The following WDR27 variants were observed in gnomAD, a reference collection of about 807,000 sequenced individuals.
WDR27 encodes WD repeat-containing protein 27.
Under a neutral mutation model 114.4 loss-of-function variants are expected in WDR27, and 100 were observed. That is an observed-to-expected ratio of 0.87 (90% CI 0.74 to 1.03). The LOEUF (loss-of-function observed/expected upper bound fraction) is 1.03. WDR27 is among the 50% of genes least tolerant of loss of function. The pLI is 0.00. For missense variants in WDR27, 1,129 were observed against 1,092.9 expected, an observed-to-expected ratio of 1.03 and a Z score of -0.47; for synonymous variants, 449 against 423.1, an observed-to-expected ratio of 1.06 and a Z score of -0.75.
chr6:169,536,850 G>A (rs902376825), intron 25 of WDR27, among the ~76,000 whole-genome samples: 1 of 152,056 alleles, frequency 6.6e-6, no homozygotes, highest in African/African-American at 2.4e-5. Flanking sequence ...TAGTCTCTGG[G>A]TAAGGTACGT....
chr6:169,486,757 T>C (rs898002257), intron 25 of WDR27, among the ~76,000 whole-genome samples: 1 of 152,196 alleles, frequency 6.6e-6, no homozygotes, highest in Non-Finnish European at 1.5e-5. Flanking sequence ...CCCAAAGTGC[T>C]GGGATTACAG....
chr6:169,460,371 G>C (rs573650782), intron 25 of WDR27, among the ~76,000 whole-genome samples: 1 of 152,256 alleles, frequency 6.6e-6, no homozygotes, highest in African/African-American at 2.4e-5. Context: ...ATTCAAACTA[G>C]AGTGTTATAA....
chr6:169,667,431 C>T, intron 5 of WDR27: 2 of 973,770 alleles, frequency 2.1e-6, no homozygotes, highest in Non-Finnish European at 2.4e-6. Context: ...GAATTGGAAA[C>T]AAAAATGAAA....
At chr6:169,657,238 A>G (rs1203785996) in intron 13 of WDR27, among the ~76,000 whole-genome samples, 1 of 152,230 alleles carries the variant, frequency 6.6e-6, no homozygotes, top group African/African-American at 2.4e-5. Context: ...AGAACCACAC[A>G]GTCAGTGAGA....
chr6:169,593,451 C>T (rs927157162), intron 23 of WDR27, among the ~76,000 whole-genome samples: 20 of 152,170 alleles, frequency 1.3e-4, no homozygotes, highest in African/African-American at 4.8e-4. Flanking sequence ...TCCTTCTGCT[C>T]CATGCTTCTG....
chr6:169,450,411 G>A, the WDR27 span, among the ~76,000 whole-genome samples: 1 of 152,256 alleles, frequency 6.6e-6, no homozygotes, highest in Non-Finnish European at 1.5e-5. Context: ...ACTGTTGAAT[G>A]AGTAAATGAA....
chr6:169,658,941 C>T lies in WDR27; in HGVS notation c.1319+145G>A. The T allele has an allele frequency of 2.7e-6, 3 of 1,107,212 alleles. No individual in the cohort carries two copies. The Admixed American group carries it at 8.7e-5, about 32-fold the overall frequency. 68.6% of individuals were successfully genotyped at this position (1,107,212 alleles called of 1,614,324 possible). ...TGACCTCGTGATCCACCCGCCTCGG[C>T]CTCCCAAAGTGCTGGGATTATAGGC... On this transcript the variant is annotated intron_variant, in intron 12 of 25. Transcript: ENST00000448612.
chr6:169,600,018 T>C (rs563649770), intron 23 of WDR27, among the ~76,000 whole-genome samples: 6 of 152,346 alleles, frequency 3.9e-5, no homozygotes, highest in East Asian at 1.9e-4. Flanking sequence ...TTTCGTTATG[T>C]ACCCAGTAGT....
intron 8 of WDR27, 33 bp from the exon 9 acceptor site, chr6:169,662,457 G>A: frequency 1.9e-6 from 3 of 1,607,270 alleles, no homozygotes; most frequent in Non-Finnish European, 8.5e-7. Context: ...TCTAAGAAGT[G>A]AACTTAAATG....
At chr6:169,557,710 T>C (rs940789139) in intron 25 of WDR27, among the ~76,000 whole-genome samples, 1 of 152,112 alleles carries the variant, frequency 6.6e-6, no homozygotes, top group African/African-American at 2.4e-5. Flanking sequence ...GGTGGGAAGA[T>C]TGCAGGAGCC....
intron 24 of WDR27, among the ~76,000 whole-genome samples, chr6:169,573,102 C>T (rs1801718315): frequency 6.6e-6 from 1 of 152,108 alleles, no homozygotes; most frequent in South Asian, 2.1e-4. Context: ...GCCCGAGCCT[C>T]CCGGGGTGCA....
intron 23 of WDR27, among the ~76,000 whole-genome samples, chr6:169,601,552 G>C (rs1190114288): frequency 6.6e-6 from 1 of 152,196 alleles, no homozygotes; most frequent in Non-Finnish European, 1.5e-5. Context: ...GGATACTAGA[G>C]CGATGAGAAA....
chr6:169,618,641 A>AC (rs1322067182), intron 21 of WDR27, among the ~76,000 whole-genome samples: 1 of 148,470 alleles, frequency 6.7e-6, no homozygotes, highest in Non-Finnish European at 1.5e-5. Flanking sequence ...AAAAAAAAAA[A>AC]AAAAAAAACA....
At chr6:169,698,186 T>G (rs1786773087) in intron 1 of WDR27, among the ~76,000 whole-genome samples, 1 of 152,192 alleles carries the variant, frequency 6.6e-6, no homozygotes, top group African/African-American at 2.4e-5. Flanking sequence ...GTGCACGAGC[T>G]GATGTCCCAC....
chr6:169,438,229 A>G, the WDR27 span, among the ~76,000 whole-genome samples: 1 of 125,026 alleles, frequency 8.0e-6, no homozygotes, highest in East Asian at 2.4e-4. Context: ...TTTTACTTTT[A>G]CTTTTTCTTT....
At chr6:169,557,737 G>A (rs1799121294) in intron 25 of WDR27, among the ~76,000 whole-genome samples, 2 of 152,228 alleles carry the variant, frequency 1.3e-5, no homozygotes, top group Admixed American at 6.5e-5. Flanking sequence ...TTGAGCTTGG[G>A]CAAGAGGGAG....
At chr6:169,665,148 G>A (rs190357059) in intron 7 of WDR27, 19 of 1,039,778 alleles carry the variant, frequency 1.8e-5, no homozygotes, top group African/African-American at 1.0e-4. Flanking sequence ...TCCGGGGCGC[G>A]GGCAGCACCC....
chr6:169,544,103 G>C (rs1176717614), intron 25 of WDR27, among the ~76,000 whole-genome samples: 1 of 152,124 alleles, frequency 6.6e-6, no homozygotes, highest in East Asian at 1.9e-4. Flanking sequence ...ACATTGCCTT[G>C]ATAAACAGCA....
intron 25 of WDR27, among the ~76,000 whole-genome samples, chr6:169,564,777 G>A (rs966587301): frequency 6.6e-6 from 1 of 152,082 alleles, no homozygotes; most frequent in Non-Finnish European, 1.5e-5. Flanking sequence ...ACGCTCCATG[G>A]CTCCCATCTC....
Sources: gnomAD v4.1 joint callset for allele counts (sites outside exome capture counted in the v4.1 genomes callset) on GRCh38, gnomAD v4.1.1 for gene constraint, MANE v1.5 for transcripts, NCBI Gene and HGNC (gene_info 2026-07-23, HGNC 2026-07-21) for gene names.